The following GAK variants were observed in gnomAD, a reference collection of about 807,000 sequenced individuals.
The protein encoded by GAK is cyclin-G-associated kinase.
In GAK, 79 loss-of-function variants were observed where a neutral mutation model predicts 143.9. The observed-to-expected ratio is 0.55, with a 90% CI of 0.46 to 0.66. GAK has a LOEUF of 0.66. Among genes scored for constraint, GAK ranks in the 30% least tolerant of loss-of-function variants. GAK has a pLI of 0.00. For synonymous variants in GAK, 881 were observed against 765.5 expected, an observed-to-expected ratio of 1.15 and a Z score of -2.49; for missense variants, 1,693 against 1,779.7, an observed-to-expected ratio of 0.95 and a Z score of 0.88.
In GAK at chr4:882,836, C is replaced by T. The variant is rs202077672; in HGVS notation, c.1405-17G>A. ...CTCGGAGACCTGTGGGGACAGGGCA[C>T]GGTGGCACGGACGGCAGAGGAGCCC... On this transcript the variant is annotated splice_polypyrimidine_tract_variant and intron_variant, in intron 13 of 27. Coordinates refer to ENST00000314167, the MANE Select transcript of GAK (RefSeq NM_005255.4). 101 of 1,604,958 alleles carry T rather than the reference C, an allele frequency of 6.3e-5. No individual in the cohort carries two copies. In the South Asian group the frequency reaches 7.9e-4, roughly 13 times the overall value.
rs74409263 is a variant in GAK, at chr4:900,545, G to A, written c.526-2387C>T. On this transcript the variant is annotated intron_variant, in intron 5 of 27. Transcript: ENST00000314167. ...ACGACCCATCACACTTCAAAAATGC[G>A]AACCAGGAGGGTCTCGGTGTCATGA... Among the ~76,000 whole-genome samples, 8 of 152,140 alleles carry A rather than the reference G, an allele frequency of 5.3e-5. No homozygotes were observed. The East Asian group carries it at 5.8e-4, about 11-fold the overall frequency.
At chr4:901,959 C>T (rs925086947) in intron 5 of GAK, among the ~76,000 whole-genome samples, 2 of 152,232 alleles carry the variant, frequency 1.3e-5, no homozygotes, top group Admixed American at 6.5e-5. Context: ...ATGTCCTGGC[C>T]GGGCGTGGTG....
chr4:925,783 C>T (rs981359926), intron 1 of GAK, among the ~76,000 whole-genome samples: 2 of 152,328 alleles, frequency 1.3e-5, no homozygotes, highest in South Asian at 2.1e-4. Context: ...CGGCGCCTTG[C>T]GCCTGGACTT....
intron 1 of GAK, among the ~76,000 whole-genome samples, chr4:931,057 A>G (rs1725638195): frequency 6.6e-6 from 1 of 152,232 alleles, no homozygotes; most frequent in South Asian, 2.1e-4. Context: ...TGTTTAGCCC[A>G]TAAACTTCAC....
chr4:895,151 C>G (rs1420400967), intron 7 of GAK, among the ~76,000 whole-genome samples: 2 of 152,198 alleles, frequency 1.3e-5, no homozygotes, highest in African/African-American at 4.8e-5. Flanking sequence ...AGCAGAGACC[C>G]ACTTTTCAGA....
chr4:879,670 C>T (rs1184314600), intron 15 of GAK, among the ~76,000 whole-genome samples: 4 of 152,166 alleles, frequency 2.6e-5, no homozygotes, highest in Non-Finnish European at 5.9e-5. Context: ...TGCTTTCATC[C>T]TGCTTGGTGA....
At chr4:867,849 T>C (rs915227136) in intron 20 of GAK, among the ~76,000 whole-genome samples, 47 of 152,370 alleles carry the variant, frequency 3.1e-4, no homozygotes, top group African/African-American at 9.6e-4. Flanking sequence ...GTGTTGTTCC[T>C]GAGGCGTCTC....
chr4:904,716 A>C lies in GAK; in HGVS notation c.446T>G (p.Leu149Arg). The C allele has an allele frequency of 6.2e-7, 1 of 1,614,132 alleles. No homozygotes were observed. Residue 149 changes from leucine (L) to arginine (R), a missense_variant, in exon 5 of 28, where the codon CTG becomes CGG. Physicochemically the swap from Leu to Arg is moderately radical, Grantham distance 102 (BLOSUM62 -2). Transcript: ENST00000314167. ...GCGGCACGTCTGGTAGAAGATCTTC[A>C]GAACCGTGTCGCACGAAAGGGGGCC... ...SRGPLSCDTV[L>R]KIFYQTCRAV...
chr4:898,862 CAA>C (rs35380272), intron 5 of GAK, among the ~76,000 whole-genome samples: 8 of 143,622 alleles, frequency 5.6e-5, no homozygotes, highest in Non-Finnish European at 1.1e-4. Context: ...GACTCCGACT[CAA>C]AAAAAAAAAA....
In GAK at chr4:889,617, G is replaced by A. The variant is rs113398213; in HGVS notation, c.1082-647C>T. 4.7e-4 allele frequency among the ~76,000 whole-genome samples: 72 copies of A among 152,278 alleles called. 1 individual carries two copies. The highest frequency in any genetic ancestry group is 1.7e-3 in the African/African-American group (69 of 41,566). ...TGCATGTGTGGGACCCACACTGCAC[G>A]GACCGGGGTGCCCCAGACATGGAGC... On this transcript the variant is annotated intron_variant, in intron 10 of 27. Transcript: ENST00000314167.
chr4:875,071 G>A (rs959877369), intron 18 of GAK, among the ~76,000 whole-genome samples: 4 of 152,122 alleles, frequency 2.6e-5, no homozygotes, highest in African/African-American at 4.8e-5. Flanking sequence ...TCATTCCCCC[G>A]ACTTTCTTGA....
chr4:892,562 C>G (rs1717884335), intron 9 of GAK, among the ~76,000 whole-genome samples: 1 of 152,222 alleles, frequency 6.6e-6, no homozygotes, highest in Non-Finnish European at 1.5e-5. Context: ...GCACACGGCC[C>G]TGTGGGCCTC....
chr4:930,737 C>A (rs1402866400), intron 1 of GAK, among the ~76,000 whole-genome samples: 1 of 152,082 alleles, frequency 6.6e-6, no homozygotes, highest in Non-Finnish European at 1.5e-5. Context: ...CACACTTCAG[C>A]CCCCACTTCT....
At chr4:862,317 T>C (rs867179985) in intron 23 of GAK, among the ~76,000 whole-genome samples, 1 of 151,996 alleles carries the variant, frequency 6.6e-6, no homozygotes, top group African/African-American at 2.4e-5. Flanking sequence ...ATGAAGCGGC[T>C]GCACCCGCCA....
At chr4:888,690 G>T in intron 11 of GAK, 157 bp downstream of exon 11, 2 of 855,576 alleles carry the variant, frequency 2.3e-6, no homozygotes, top group Non-Finnish European at 3.5e-6. Context: ...GGCTCATTCC[G>T]ACTCCCTGGG....
intron 23 of GAK, among the ~76,000 whole-genome samples, chr4:860,569 A>T (rs1440036192): frequency 6.6e-6 from 1 of 152,210 alleles, no homozygotes; most frequent in Non-Finnish European, 1.5e-5. Flanking sequence ...AAAGAAATCA[A>T]ACTGGCGAGA....
At chr4:880,812 CCAAGGAAGGAGCTGTGGGATTTGGGGGT>C (rs1714948400) in intron 15 of GAK, among the ~76,000 whole-genome samples, 1 of 152,198 alleles carries the variant, frequency 6.6e-6, no homozygotes, top group Admixed American at 6.5e-5. Flanking sequence ...CTCTGCTCCT[CCAAGGAAGGAGCTGTGGGATTTGGGGGT>C]CATGGAAGCC....
Position 867,118 on chromosome 4 carries a change from G to A in GAK, c.2710C>T (p.Pro904Ser), listed in dbSNP as rs1389207487. 5 of 1,579,030 alleles carry A rather than the reference G, an allele frequency of 3.2e-6. No individual in the cohort carries two copies. Among genetic ancestry groups the A allele is most frequent in the Non-Finnish European group, 4.3e-6 (5 of 1,159,408 alleles). ...CTGAGCAGGTCGGTGTTGCTGGAGG[G>A]GGCCTTGCAGGCCTGCGGGGGTACA... ...PAVPPQACKAPSSNTDLLSCL... is the reference protein window; with the variant it reads ...PAVPPQACKASSSNTDLLSCL... The change falls in exon 21 of 28, where the codon CCC becomes TCC. Residue 904 changes from proline to serine, a missense_variant. This residue lies in a region of GAK where 822 missense variants were observed against 788.7 expected (regional missense o/e 1.04). Transcript: ENST00000314167.
At chr4:858,828 G>A (rs1342383614) in intron 24 of GAK, among the ~76,000 whole-genome samples, 1 of 152,176 alleles carries the variant, frequency 6.6e-6, no homozygotes, top group Non-Finnish European at 1.5e-5. Flanking sequence ...CAGGAGAAAC[G>A]ATGAGGAGAC....
Sources: allele counts gnomAD v4.1 joint callset (sites outside exome capture counted in the v4.1 genomes callset), GRCh38; gene constraint gnomAD v4.1.1; regional missense constraint gnomAD v4.1.1; transcripts MANE v1.5; gene names NCBI Gene and HGNC (gene_info 2026-07-23, HGNC 2026-07-21).